SHANK2: variants seen among roughly 807,000 people sequenced by gnomAD.
The protein encoded by SHANK2 is SH3 and multiple ankyrin repeat domains protein 2.
A neutral mutation model predicts 133.7 loss-of-function variants in SHANK2; 43 were observed. The ratio of observed to expected loss-of-function variants is 0.32; its 90% CI spans 0.25 to 0.41. The LOEUF (loss-of-function observed/expected upper bound fraction) is 0.41, where lower values mean the gene tolerates loss of function less well. SHANK2 is among the 10% of genes least tolerant of loss of function. The pLI, the probability that SHANK2 is intolerant of heterozygous loss-of-function variation, is 1.00. For synonymous variants in SHANK2, 1,017 were observed against 952.8 expected, an observed-to-expected ratio of 1.07 and a Z score of -1.24; for missense variants, 1,994 against 2,235.8, an observed-to-expected ratio of 0.89 and a Z score of 2.18.
At chr11:70,773,065 G>C (rs782377504) in intron 14 of SHANK2, among the ~76,000 whole-genome samples, 1 of 152,186 alleles carries the variant, frequency 6.6e-6, no homozygotes, top group Non-Finnish European at 1.5e-5. Context: ...CCCATCCCCA[G>C]GGCTGTGGGC....
chr11:70,708,816 C>T (rs1945719178), intron 14 of SHANK2, among the ~76,000 whole-genome samples: 1 of 152,164 alleles, frequency 6.6e-6, no homozygotes, highest in East Asian at 1.9e-4. Context: ...GCACAGATGC[C>T]ACGGGAGAGT....
At chr11:70,741,267 CCATCCATCCATCCATT>C (rs1325718510) in intron 14 of SHANK2, among the ~76,000 whole-genome samples, 8 of 151,610 alleles carry the variant, frequency 5.3e-5, no homozygotes, top group African/African-American at 1.9e-4. Context: ...ATCCATCCAT[CCATCCATCCATCCATT>C]CATCCATCCG....
chr11:71,057,646 C>T (rs1950935920), intron 9 of SHANK2, among the ~76,000 whole-genome samples: 1 of 151,942 alleles, frequency 6.6e-6, no homozygotes, highest in Admixed American at 6.6e-5. Context: ...ATCTCTTGGG[C>T]TCAGGCAATT....
chr11:70,538,628 TGG>T (rs1199611918), intron 17 of SHANK2, among the ~76,000 whole-genome samples: 26 of 152,168 alleles, frequency 1.7e-4, no homozygotes, highest in African/African-American at 6.3e-4. Flanking sequence ...AGGAAATGCA[TGG>T]AGGAGGAGGT....
At chr11:71,228,469 G>T (rs1208901734) in intron 1 of SHANK2, among the ~76,000 whole-genome samples, 1 of 152,164 alleles carries the variant, frequency 6.6e-6, no homozygotes, top group African/African-American at 2.4e-5. Flanking sequence ...ACAAAAAGAA[G>T]ATTACAGGCT....
intron 10 of SHANK2, among the ~76,000 whole-genome samples, chr11:70,935,305 G>A (rs1555083289): frequency 1.3e-5 from 2 of 152,148 alleles, no homozygotes; most frequent in African/African-American, 2.4e-5. Context: ...GTAGGGGTCT[G>A]TACTAGCCTC....
At chr11:70,939,348 C>T (rs1284463040) in intron 10 of SHANK2, among the ~76,000 whole-genome samples, 2 of 151,938 alleles carry the variant, frequency 1.3e-5, no homozygotes, top group African/African-American at 2.4e-5. Flanking sequence ...TGTGGTGGTA[C>T]GTGCCTGTAG....
intron 10 of SHANK2, among the ~76,000 whole-genome samples, chr11:70,952,249 C>T (rs1441680236): frequency 3.3e-5 from 5 of 152,172 alleles, no homozygotes; most frequent in Admixed American, 1.3e-4. Flanking sequence ...CTCTCCTGGC[C>T]GAGGTCTTGT....
chr11:70,553,511 C>T (rs1763951109), intron 17 of SHANK2, among the ~76,000 whole-genome samples: 1 of 152,198 alleles, frequency 6.6e-6, no homozygotes, highest in Admixed American at 6.5e-5. Flanking sequence ...TGACGATCCC[C>T]AGCAGCCCCC....
chr11:71,101,664 T>C (rs1368173035), intron 6 of SHANK2, among the ~76,000 whole-genome samples: 1 of 152,214 alleles, frequency 6.6e-6, no homozygotes, highest in East Asian at 1.9e-4. Context: ...GGGGCCAACG[T>C]GAGACTGCGG....
At chr11:70,654,577 A>C (rs967106903) in intron 17 of SHANK2, 17 of 152,112 alleles carry the variant, frequency 1.1e-4, no homozygotes, top group African/African-American at 3.9e-4. Context: ...TGCCTTTCTC[A>C]CTAAGTAGAA....
chr11:70,788,293 T>C (rs1947713146), intron 14 of SHANK2, among the ~76,000 whole-genome samples: 1 of 152,232 alleles, frequency 6.6e-6, no homozygotes, highest in African/African-American at 2.4e-5. Flanking sequence ...CACTTGTGAC[T>C]TCAGCAGCTT....
intron 13 of SHANK2, among the ~76,000 whole-genome samples, chr11:70,806,081 T>C (rs1948151346): frequency 6.6e-6 from 1 of 152,202 alleles, no homozygotes; most frequent in Admixed American, 6.5e-5. Flanking sequence ...AATTACCTGC[T>C]GGGGGCCAGG....
At chr11:70,520,694 G>A (rs2059319587) in intron 17 of SHANK2, among the ~76,000 whole-genome samples, 1 of 152,176 alleles carries the variant, frequency 6.6e-6, no homozygotes, top group Non-Finnish European at 1.5e-5. Context: ...ACCTCCTTGA[G>A]GACAGAGTAT....
intron 17 of SHANK2, among the ~76,000 whole-genome samples, chr11:70,522,775 A>C (rs2059346534): frequency 6.6e-6 from 1 of 152,204 alleles, no homozygotes; most frequent in Non-Finnish European, 1.5e-5. Flanking sequence ...GGAAAGAAGG[A>C]AGAGAAGGGC....
At chr11:70,631,542 T>C (rs1383379939) in intron 17 of SHANK2, among the ~76,000 whole-genome samples, 2 of 152,202 alleles carry the variant, frequency 1.3e-5, no homozygotes, top group African/African-American at 2.4e-5. Flanking sequence ...CAGCGGACAG[T>C]GAGTCACTGA....
At chr11:70,565,215 T>TCATCCATC (rs56072142) in intron 17 of SHANK2, among the ~76,000 whole-genome samples, 22,568 of 148,978 alleles carry the variant, frequency 0.15, 1,858 homozygotes, top group Middle Eastern at 0.21. Context: ...GGAAGCAGTT[T>TCATCCATC]CATCCATCCA....
At chr11:70,863,899 G>A (rs1555068468) in intron 11 of SHANK2, 3 of 456,742 alleles carry the variant, frequency 6.6e-6, no homozygotes, top group East Asian at 7.0e-5. Context: ...ACCAGCCCTG[G>A]GACACCCTAA....
At chr11:70,718,971 C>T (rs947854) in intron 14 of SHANK2, among the ~76,000 whole-genome samples, 44,279 of 151,970 alleles carry the variant, frequency 0.29, 6,530 homozygotes, top group South Asian at 0.39. Flanking sequence ...CACGAATTAT[C>T]GGTAAGATGG....
Sources: gnomAD v4.1 joint callset for allele counts (sites outside exome capture counted in the v4.1 genomes callset) on GRCh38, gnomAD v4.1.1 for gene constraint, MANE v1.5 for transcripts, NCBI Gene and HGNC (gene_info 2026-07-23, HGNC 2026-07-21) for gene names.